The following MED12L variants were observed in gnomAD, a reference collection of about 807,000 sequenced individuals.
MED12L encodes mediator complex subunit 12L, also known as mediator of RNA polymerase II transcription subunit 12-like protein.
Under a neutral mutation model 281.3 loss-of-function variants are expected in MED12L, and 60 were observed. That is an observed-to-expected ratio of 0.21 (90% CI 0.17 to 0.26). MED12L has a LOEUF of 0.26. Ranked by LOEUF, MED12L falls within the 10% of genes least tolerant of loss-of-function variation. The pLI is 1.00. For synonymous variants in MED12L, 974 were observed against 987.2 expected, an observed-to-expected ratio of 0.99 and a Z score of 0.25; for missense variants, 2,146 against 2,680.9, an observed-to-expected ratio of 0.80 and a Z score of 4.41.
At chr3:151,299,353 CTTCT>C (rs1559999462) in intron 16 of MED12L, among the ~76,000 whole-genome samples, 4 of 56,964 alleles carry the variant, frequency 7.0e-5, no homozygotes, top group African/African-American at 1.8e-4. Flanking sequence ...TCCTTCCTTC[CTTCT>C]TTCTTTTCTT....
At chr3:151,186,671 C>T (rs939061829) in intron 12 of MED12L, among the ~76,000 whole-genome samples, 4 of 152,216 alleles carry the variant, frequency 2.6e-5, no homozygotes, top group African/African-American at 9.6e-5. Context: ...CCTAGCTCAA[C>T]ATGTGGCACC....
At chr3:151,221,280 T>G (rs764222047) in intron 16 of MED12L, among the ~76,000 whole-genome samples, 1 of 152,176 alleles carries the variant, frequency 6.6e-6, no homozygotes. Flanking sequence ...TTCAGAAAAT[T>G]TGCAGCCTGA....
chr3:151,418,831 T>C (rs1452410071), intron 43 of MED12L, among the ~76,000 whole-genome samples: 2 of 152,238 alleles, frequency 1.3e-5, no homozygotes, highest in Non-Finnish European at 2.9e-5. Flanking sequence ...TTACTATGGA[T>C]GTGGAAAAAT....
intron 16 of MED12L, among the ~76,000 whole-genome samples, chr3:151,250,769 T>C (rs891994391): frequency 6.6e-6 from 1 of 152,208 alleles, no homozygotes; most frequent in African/African-American, 2.4e-5. Flanking sequence ...TTTCAGTTCT[T>C]TTGGTTATGT....
At chr3:151,408,236 A>G (rs1001136235) in intron 39 of MED12L, among the ~76,000 whole-genome samples, 1 of 152,198 alleles carries the variant, frequency 6.6e-6, no homozygotes, top group African/African-American at 2.4e-5. Flanking sequence ...TGAGAAAATG[A>G]GAGTAAGAAC....
Position 151,188,421 on chromosome 3 carries a change from G to T in MED12L, c.1694G>T (p.Ser565Ile), listed in dbSNP as rs1411645793. ...TCTTCATCCTCTCTTGCTGGATCCA[G>T]TTTGCCTGTTTTCCAGAATGTGCTG... ...SISSSSLAGS[S>I]LPVFQNVLLR... Residue 565 changes from serine to isoleucine, a missense_variant, in exon 13 of 45, where the codon AGT becomes ATT. By Grantham distance (142) the Ser-to-Ile change is moderately radical. This residue lies in a region of MED12L where 722 missense variants were observed against 861.2 expected (regional missense o/e 0.84). Coordinates refer to ENST00000687756, the MANE Select transcript of MED12L (RefSeq NM_001393769.1). 6.2e-7 allele frequency: 1 copy of T among 1,612,832 alleles called. No individual in the cohort carries two copies. Among genetic ancestry groups the T allele is most frequent in the African/African-American group, 1.3e-5 (1 of 74,872 alleles).
chr3:151,192,731 G>C (rs1266824762), intron 15 of MED12L, 77 bp downstream of exon 15: 13 of 897,908 alleles, frequency 1.4e-5, no homozygotes, highest in Non-Finnish European at 2.1e-5. Flanking sequence ...ATCCTTCTGT[G>C]TTCTCAGAAT....
chr3:151,396,973 C>G (rs1715063092), intron 39 of MED12L, among the ~76,000 whole-genome samples: 1 of 152,032 alleles, frequency 6.6e-6, no homozygotes, highest in South Asian at 2.1e-4. Flanking sequence ...TTGATGACAC[C>G]ATTACTTTTC....
intron 16 of MED12L, among the ~76,000 whole-genome samples, chr3:151,312,412 ACTTCAGATCATTTTGTTTCTG>A (rs1747666934): frequency 6.6e-6 from 1 of 152,102 alleles, no homozygotes; most frequent in South Asian, 2.1e-4. Flanking sequence ...TAGTACAGGG[ACTTCAGATCATTTTGTTTCTG>A]CTGCCCTTTT....
At position 151,368,257 on chromosome 3, in the gene MED12L, C is replaced by T; in HGVS notation, c.3550+6C>T. On this transcript the variant is annotated splice_donor_region_variant and intron_variant, in intron 25 of 44. Transcript: ENST00000687756. ...CTTCTTACCTCAAGCAACGGGTGAGCTGACTGCAGAAAAATCTGATTACCT... is the reference window on the plus strand; with the variant it reads ...CTTCTTACCTCAAGCAACGGGTGAGTTGACTGCAGAAAAATCTGATTACCT... The T allele has an allele frequency of 8.1e-6, 13 of 1,610,288 alleles. No homozygotes were observed. Among genetic ancestry groups the T allele is most frequent in the Non-Finnish European group, 1.1e-5 (13 of 1,176,598 alleles).
At chr3:151,104,945 A>C (rs1721817421) in intron 2 of MED12L, among the ~76,000 whole-genome samples, 1 of 152,156 alleles carries the variant, frequency 6.6e-6, no homozygotes, top group African/African-American at 2.4e-5. Flanking sequence ...GACCCACCCT[A>C]ATTCAGCATG....
chr3:151,416,472 C>G (rs1270544190), intron 43 of MED12L, 50 bp downstream of exon 43: 1 of 1,582,302 alleles, frequency 6.3e-7, no homozygotes, highest in Non-Finnish European at 8.6e-7. Flanking sequence ...TCTTTAAAAG[C>G]AGGTTGCATT....
At chr3:151,431,129 G>C (rs1403830006) in intron 44 of MED12L, among the ~76,000 whole-genome samples, 1 of 152,192 alleles carries the variant, frequency 6.6e-6, no homozygotes, top group Admixed American at 6.5e-5. Context: ...TATTAGCCTG[G>C]AAGTCAGAAG....
chr3:151,352,142 G>A (rs951485839), intron 17 of MED12L, among the ~76,000 whole-genome samples: 24 of 152,098 alleles, frequency 1.6e-4, no homozygotes, highest in Non-Finnish European at 2.8e-4. Context: ...ATACCCTGAA[G>A]GTAATTTTAT....
Position 151,406,918 on chromosome 3 carries a change from A to G in MED12L, c.5821-2325A>G, listed in dbSNP as rs114495484. 3.4e-3 allele frequency among the ~76,000 whole-genome samples: 507 copies of G among 151,216 alleles called. 3 individuals carry two copies. Among genetic ancestry groups the G allele is most frequent in the African/African-American group, 0.012 (483 of 41,180 alleles). On this transcript the variant is annotated intron_variant, in intron 39 of 44. Coordinates refer to ENST00000687756, the MANE Select transcript of MED12L (RefSeq NM_001393769.1). ...CAGGCCAAGGAATCCTCTCACCTCA[A>G]CCTTCCAAGTAGCTGAGACTACAGG...
At chr3:151,422,767 C>T (rs984548483) in intron 43 of MED12L, among the ~76,000 whole-genome samples, 3 of 147,098 alleles carry the variant, frequency 2.0e-5, no homozygotes, top group South Asian at 2.1e-4. Flanking sequence ...GAAGCCTTGA[C>T]AGAGGAGGCT....
Position 151,378,023 on chromosome 3 carries a change from G to C in MED12L, c.4328G>C (p.Arg1443Pro). 1 of 1,603,518 alleles carries C rather than the reference G, an allele frequency of 6.2e-7. No individual in the cohort carries two copies. The highest frequency in any genetic ancestry group is 8.5e-7 in the Non-Finnish European group (1 of 1,173,778). Reference protein sequence around the residue: ...GIKTFLSSSERRGVWLVAPLI... With the variant: ...GIKTFLSSSEPRGVWLVAPLI... ...GTTTCTGATTTTAGTTCCTCCGAAC[G>C]CAGGGGTGTATGGTTGGTGGCCCCC... Residue 1443 changes from arginine to proline, a missense_variant, in exon 31 of 45, where the codon CGC (arginine) becomes CCC (proline). Transcript: ENST00000687756.
chr3:151,377,614 A>G (rs12629914), intron 30 of MED12L, among the ~76,000 whole-genome samples: 2,641 of 152,326 alleles, frequency 0.017, 161 homozygotes, highest in East Asian at 0.13. Context: ...TCATTTTGGT[A>G]TAAAGTATAA....
At chr3:151,359,201 A>T (rs1754311936) in intron 20 of MED12L, among the ~76,000 whole-genome samples, 1 of 152,120 alleles carries the variant, frequency 6.6e-6, no homozygotes, top group Admixed American at 6.6e-5. Flanking sequence ...TTTCTGCATT[A>T]GTTTGCTTAG....
Sources: allele counts gnomAD v4.1 joint callset (sites outside exome capture counted in the v4.1 genomes callset), GRCh38; gene constraint gnomAD v4.1.1; regional missense constraint gnomAD v4.1.1; transcripts MANE v1.5; gene names NCBI Gene and HGNC (gene_info 2026-07-23, HGNC 2026-07-21).